Variants in TFAP2A observed in about 807,000 individuals in gnomAD.
TFAP2A encodes transcription factor AP-2 alpha.
Under a neutral mutation model 41.5 loss-of-function variants are expected in TFAP2A, and 7 were observed. The ratio of observed to expected loss-of-function variants is 0.17; its 90% CI spans 0.10 to 0.32. TFAP2A has a LOEUF of 0.32. Among genes scored for constraint, TFAP2A ranks in the 10% least tolerant of loss-of-function variants. The pLI, the probability that TFAP2A is intolerant of heterozygous loss-of-function variation, is 1.00. For synonymous variants in TFAP2A, 247 were observed against 242.8 expected, an observed-to-expected ratio of 1.02 and a Z score of -0.16; for missense variants, 416 against 563.3, an observed-to-expected ratio of 0.74 and a Z score of 2.65.
intron 1 of TFAP2A, chr6:10,411,450 G>A (rs576123066): frequency 6.4e-7 from 1 of 1,568,486 alleles, no homozygotes; most frequent in African/African-American, 1.4e-5. Flanking sequence ...GATGCAAATG[G>A]AGAGGGTGTC....
At position 10,410,098 on chromosome 6, in the gene TFAP2A, C is replaced by T; in HGVS notation, c.289G>A (p.Gly97Ser). ...LHAQPQPQHP[G>S]WPGQRQSQES... ...TGGCTCTGCCTCTGGCCGGGCCAGC[C>T]TGGGTGCTGCGGCTGCGGCTGGGCG... The change falls in exon 2 of 7, where the codon GGC (glycine) becomes AGC (serine). Residue 97 changes from glycine to serine, a missense_variant. By Grantham distance (56) the Gly-to-Ser change is moderately conservative (BLOSUM62 0). This residue lies in a region of TFAP2A where 241 missense variants were observed against 274.1 expected (regional missense o/e 0.88). Coordinates refer to ENST00000379613, the MANE Select transcript of TFAP2A (RefSeq NM_001372066.1). 2 of 1,612,518 alleles carry T rather than the reference C, an allele frequency of 1.2e-6. No homozygotes were observed. The highest frequency in any genetic ancestry group is 1.7e-6 in the Non-Finnish European group (2 of 1,179,702).
At position 10,398,423 on chromosome 6, in the gene TFAP2A, T is replaced by C; in HGVS notation, c.1314A>G (p.Arg438=). Reference sequence around the variant, plus strand: ...GCGGGGCGGGAGGAGAGCCTCACTTTCTGTGCTTCTCCTCTTTGTCACTGC... The same window carrying C: ...GCGGGGCGGGAGGAGAGCCTCACTTCCTGTGCTTCTCCTCTTTGTCACTGC... The part of the protein sequence containing the change: ...AKSSDKEEKH[R]K Residue 438 remains arginine, a synonymous_variant, in exon 7 of 7, where the codon AGA becomes AGG. Coordinates refer to ENST00000379613, the MANE Select transcript of TFAP2A (RefSeq NM_001372066.1). This position sits in a 1 kb window ranked among gnomAD's most constrained non-coding sequence, Gnocchi z 5.3. 1 of 1,614,130 alleles carries C rather than the reference T, an allele frequency of 6.2e-7. No individual in the cohort carries two copies. Among genetic ancestry groups the C allele is most frequent in the Non-Finnish European group, 8.5e-7 (1 of 1,180,028 alleles).
intron 1 of TFAP2A, among the ~76,000 whole-genome samples, chr6:10,413,902 C>A (rs1052071547): frequency 6.6e-6 from 1 of 152,088 alleles, no homozygotes; most frequent in Non-Finnish European, 1.5e-5. Context: ...GGGACTGCCA[C>A]CTATTTATTT....
chr6:10,404,273 C>T (rs1325561102), intron 4 of TFAP2A, among the ~76,000 whole-genome samples: 2 of 152,226 alleles, frequency 1.3e-5, no homozygotes, highest in Non-Finnish European at 2.9e-5. Context: ...GAAGCGCGCA[C>T]CAGAACTCGC....
chr6:10,404,370 TC>T (rs1483362046), intron 4 of TFAP2A, 137 bp downstream of exon 4: 2 of 547,854 alleles, frequency 3.7e-6, no homozygotes, highest in African/African-American at 4.0e-5. Context: ...TCTACGCTCT[TC>T]TCCCCGCCCC....
chr6:10,401,031 T>A (rs1761985927), intron 5 of TFAP2A, among the ~76,000 whole-genome samples: 1 of 152,262 alleles, frequency 6.6e-6, no homozygotes, highest in African/African-American at 2.4e-5. Context: ...TCCAAACCGA[T>A]TAACCAAGAG....
chr6:10,404,738 G>T lies in TFAP2A; in HGVS notation c.540C>A (p.Gly180=), dbSNP rs1193052197. 1.2e-6 allele frequency: 2 copies of T among 1,614,024 alleles called. No individual in the cohort carries two copies. Among genetic ancestry groups the T allele is most frequent in the East Asian group, 2.2e-5 (1 of 44,870 alleles). Residue 180 remains glycine, a splice_region_variant and synonymous_variant, in exon 4 of 7, where the codon GGC becomes GGA. Coordinates refer to ENST00000379613, the MANE Select transcript of TFAP2A (RefSeq NM_001372066.1). The stretch of plus-strand genomic sequence containing the variant: ...TGTTGGACTTGGACAGGGACACGGG[G>T]CCTGCGGAGACAGAGGGGAGGCCGC... ...NIPDQTVIKK[G]PVSLSKSNSN...
In TFAP2A at chr6:10,398,056, T is replaced by C. The variant is rs1274221636; in HGVS notation, c.*361A>G. ...AAGTTTTTAATTTTTGTTGTTGTTG[T>C]TGCTGTTGTTGATTTGTTGTTTTGT... is the stretch of plus-strand genomic sequence containing the variant. On this transcript the variant is annotated 3_prime_UTR_variant, in exon 7 of 7. Transcript: ENST00000379613. This position sits in a 1 kb window ranked among gnomAD's most constrained non-coding sequence, Gnocchi z 5.3. The C allele has an allele frequency of 4.3e-5, 48 of 1,122,638 alleles. No homozygotes were observed. The highest frequency in any genetic ancestry group is 5.0e-5 in the Non-Finnish European group (46 of 917,036). 69.5% of individuals were successfully genotyped at this position (1,122,638 alleles called of 1,614,324 possible).
chr6:10,409,030 G>A (rs142371806), intron 2 of TFAP2A: 1 of 152,192 alleles, frequency 6.6e-6, no homozygotes, highest in Admixed American at 6.5e-5. Flanking sequence ...ATTTCAGGAG[G>A]GTTGTGAGGA....
chr6:10,410,696 TC>T (rs1202994162), intron 1 of TFAP2A, among the ~76,000 whole-genome samples: 1 of 152,182 alleles, frequency 6.6e-6, no homozygotes, highest in African/African-American at 2.4e-5. Flanking sequence ...CCTTTTCTTT[TC>T]CCCCGATTTG....
At chr6:10,410,375 A>C (rs766203900) in intron 1 of TFAP2A, 40 bp from the exon 2 acceptor site, 23 of 1,562,882 alleles carry the variant, frequency 1.5e-5, no homozygotes, top group Non-Finnish European at 2.0e-5. Context: ...ACAAGGAATC[A>C]GGCGTCGAGC....
Position 10,410,128 on chromosome 6 carries a change from G to C in TFAP2A, c.259C>G (p.Leu87Val), listed in dbSNP as rs376101872. 2 of 1,612,436 alleles carry C rather than the reference G, an allele frequency of 1.2e-6. No individual in the cohort carries two copies. The highest frequency in any genetic ancestry group is 1.7e-6 in the Non-Finnish European group (2 of 1,179,838). Reference protein sequence around the residue: ...HVNDPYSLNPLHAQPQPQHPG... With the variant: ...HVNDPYSLNPVHAQPQPQHPG... ...TGCTGCGGCTGCGGCTGGGCGTGCA[G>C]GGGGTTCAGGCTGTAGGGGTCGTTG... Residue 87 changes from leucine (L) to valine (V), a missense_variant, in exon 2 of 7, where the codon CTG (leucine) becomes GTG (valine). By Grantham distance (32) the Leu-to-Val change is conservative. Transcript: ENST00000379613.
At chr6:10,403,964 G>A (rs968755601) in intron 4 of TFAP2A, among the ~76,000 whole-genome samples, 2 of 152,216 alleles carry the variant, frequency 1.3e-5, no homozygotes, top group African/African-American at 4.8e-5. Context: ...CGACCGGAAA[G>A]CATGGCGTGC....
chr6:10,399,188 A>G (rs1475678072), intron 6 of TFAP2A, among the ~76,000 whole-genome samples: 1 of 152,156 alleles, frequency 6.6e-6, no homozygotes. Context: ...TGAAGTCCAC[A>G]CTCGTTCACC....
Position 10,398,478 on chromosome 6 carries a change from G to T in TFAP2A, c.1259C>A (p.Pro420His). The part of the protein sequence containing the change: ...AMDKMYLSNN[P>H]NSHTDNNAKS... The stretch of plus-strand genomic sequence containing the variant: ...GGCGTTGTTGTCCGTGTGGCTGTTG[G>T]GGTTGTTGCTGAGGTACATTTTGTC... The change falls in exon 7 of 7, where the codon CCC (proline) becomes CAC (histidine). Residue 420 changes from proline (P) to histidine (H), a missense_variant. Transcript: ENST00000379613. The surrounding 1 kb of genome is among the most constrained non-coding windows in gnomAD (Gnocchi z 5.3). 1 of 1,614,224 alleles carries T rather than the reference G, an allele frequency of 6.2e-7. No individual in the cohort carries two copies. The highest frequency in any genetic ancestry group is 8.5e-7 in the Non-Finnish European group (1 of 1,180,040).
At chr6:10,417,210 C>A (rs1300682597), upstream of TFAP2A, 3 of 152,410 alleles carry the variant, frequency 2.0e-5, no homozygotes, top group African/African-American at 7.2e-5. Context: ...TTGCCCTCTG[C>A]GGGCTTGGAA....
At position 10,414,921 on chromosome 6, in the gene TFAP2A, C is replaced by A. The variant is rs369679945; in HGVS notation, c.51+20G>T. 190 of 1,613,892 alleles carry A rather than the reference C, an allele frequency of 1.2e-4. No individual in the cohort carries two copies. The highest frequency in any genetic ancestry group is 1.5e-4 in the Non-Finnish European group (181 of 1,179,930). On this transcript the variant is annotated intron_variant, in intron 1 of 6. Transcript: ENST00000379613. ...CGGAGCCTGTGACCGCACGGATGAT[C>A]GAGCCGGCGTCGCGCTTACCTCGCA...
chr6:10,400,555 G>A lies in TFAP2A; in HGVS notation c.924C>T (p.Tyr308=), dbSNP rs141711078. ...TGGCAGGAAATTCGGTTTCGCACAC[G>A]TACCCAAAGTCCCTGGCTAGGTGGA... ...EAVHLARDFG[Y]VCETEFPAKA... Residue 308 remains tyrosine (Y), a synonymous_variant, in exon 6 of 7, where the codon TAC becomes TAT. Coordinates refer to ENST00000379613, the MANE Select transcript of TFAP2A (RefSeq NM_001372066.1). 4.6e-4 allele frequency: 744 copies of A among 1,614,070 alleles called. 2 individuals are homozygous for A. The East Asian group carries it at 0.014, about 31-fold the overall frequency.
chr6:10,406,870 G>A (rs780960475), intron 2 of TFAP2A, 26 bp from the exon 3 acceptor site: 3 of 1,572,158 alleles, frequency 1.9e-6, no homozygotes, highest in African/African-American at 2.7e-5. Flanking sequence ...ACACATGGAT[G>A]TAAGTGTATC....
Sources: allele counts gnomAD v4.1 joint callset (sites outside exome capture counted in the v4.1 genomes callset), GRCh38; gene constraint gnomAD v4.1.1; regional missense constraint gnomAD v4.1.1; non-coding constraint Gnocchi (gnomAD v3.1); transcripts MANE v1.5; gene names NCBI Gene and HGNC (gene_info 2026-07-23, HGNC 2026-07-21).